The following GRIA2 variants were observed in gnomAD, a reference collection of about 807,000 sequenced individuals.
The protein encoded by GRIA2 is glutamate receptor 2.
In GRIA2, 14 loss-of-function variants were observed where a neutral mutation model predicts 97.3. The observed-to-expected ratio is 0.14, with a 90% confidence interval of 0.10 to 0.23. The LOEUF (loss-of-function observed/expected upper bound fraction) is 0.23, where lower values mean the gene tolerates loss of function less well. Ranked by LOEUF, GRIA2 falls within the 10% of genes least tolerant of loss-of-function variation. The pLI is 1.00. For synonymous variants in GRIA2, 412 were observed against 387.8 expected, an observed-to-expected ratio of 1.06 and a Z score of -0.73; for missense variants, 558 against 1,069.8, an observed-to-expected ratio of 0.52 and a Z score of 6.67.
chr4:157,312,994 C>G, intron 4 of GRIA2, 119 bp downstream of exon 4: 1 of 550,058 alleles, frequency 1.8e-6, no homozygotes, highest in African/African-American at 1.9e-5. Context: ...TGTTTTATGT[C>G]GGATGCAGCA....
intron 2 of GRIA2, 48 bp from the exon 3 acceptor site, chr4:157,303,504 T>C (rs1443533246): frequency 6.4e-7 from 1 of 1,560,608 alleles, no homozygotes; most frequent in Non-Finnish European, 8.8e-7. Flanking sequence ...CATATGATTG[T>C]GTGCCAATTT....
At chr4:157,309,349 G>A (rs1218500666) in intron 3 of GRIA2, among the ~76,000 whole-genome samples, 1 of 130,704 alleles carries the variant, frequency 7.7e-6, no homozygotes, top group South Asian at 2.4e-4. Context: ...AAATTTCTTG[G>A]TTTTTTTTTT....
intron 6 of GRIA2, among the ~76,000 whole-genome samples, chr4:157,323,660 G>A (rs1037497601): frequency 2.0e-5 from 3 of 152,248 alleles, no homozygotes; most frequent in Admixed American, 1.3e-4. Context: ...AAGCATGAAA[G>A]CAAAATGAAA....
chr4:157,296,743 A>G (rs1281579093), intron 2 of GRIA2, among the ~76,000 whole-genome samples: 6 of 152,108 alleles, frequency 3.9e-5, no homozygotes. Flanking sequence ...GGAGGATCAT[A>G]TTCAGTTGAT....
At chr4:157,295,165 G>A (rs1579339964) in intron 2 of GRIA2, among the ~76,000 whole-genome samples, 1 of 152,176 alleles carries the variant, frequency 6.6e-6, no homozygotes, top group East Asian at 1.9e-4. Flanking sequence ...ATGGGCAACA[G>A]CAATAAACTT....
Position 157,254,735 on chromosome 4 carries a change from C to T in GRIA2, c.229+32928C>T, listed in dbSNP as rs189794000. On this transcript the variant is annotated intron_variant, in intron 2 of 15. Coordinates refer to ENST00000264426, the MANE Select transcript of GRIA2 (RefSeq NM_001083619.3). Reference sequence around the variant, plus strand: ...ATCAAATGTGTGTATTTAACCTAGACGTTTTACTTCTACTAATTTGTTCTT... The same window carrying T: ...ATCAAATGTGTGTATTTAACCTAGATGTTTTACTTCTACTAATTTGTTCTT... 1.1e-4 allele frequency among the ~76,000 whole-genome samples: 17 copies of T among 152,088 alleles called. No individual in the cohort carries two copies. The East Asian group carries it at 3.3e-3, about 30-fold the overall frequency.
At chr4:157,341,610 C>T (rs895541897) in intron 12 of GRIA2, 148 bp downstream of exon 12, 2 of 600,212 alleles carry the variant, frequency 3.3e-6, no homozygotes, top group Non-Finnish European at 5.9e-6. Context: ...TGTTTCTGAC[C>T]CTTCCCTATC....
Position 157,363,637 on chromosome 4 carries a change from T to C in GRIA2, c.*206T>C. 1 of 1,160,918 alleles carries C rather than the reference T, an allele frequency of 8.6e-7. No individual in the cohort carries two copies. The highest frequency in any genetic ancestry group is 1.1e-6 in the Non-Finnish European group (1 of 921,328). 71.9% of individuals were successfully genotyped at this position (1,160,918 alleles called of 1,614,324 possible). A position where few individuals can be genotyped will look rare whatever the true frequency, so the allele number is the denominator to read the frequency against. On this transcript the variant is annotated 3_prime_UTR_variant, in exon 16 of 16. Transcript: ENST00000264426. ...TTTTGAGTGCCTTACACAATGGTTT[T>C]CTTGTGTGTTTATTGTCAAAGTGGT...
chr4:157,264,597 C>T (rs1257052592), intron 2 of GRIA2, among the ~76,000 whole-genome samples: 1 of 152,018 alleles, frequency 6.6e-6, no homozygotes, highest in African/African-American at 2.4e-5. Flanking sequence ...GACATATAAC[C>T]TAGCATATTC....
intron 2 of GRIA2, among the ~76,000 whole-genome samples, 181 bp downstream of exon 2, chr4:157,221,988 C>T (rs557556802): frequency 2.0e-5 from 3 of 150,028 alleles, no homozygotes; most frequent in East Asian, 2.0e-4. Context: ...ATCTCAGGGA[C>T]CCCCGCTGGC....
intron 2 of GRIA2, among the ~76,000 whole-genome samples, chr4:157,237,049 G>A (rs1730283329): frequency 6.6e-6 from 1 of 151,750 alleles, no homozygotes; most frequent in Non-Finnish European, 1.5e-5. Context: ...ATTTCCTCAG[G>A]AATTTTGTGC....
chr4:157,241,831 T>C (rs1195187739), intron 2 of GRIA2, among the ~76,000 whole-genome samples: 1 of 152,044 alleles, frequency 6.6e-6, no homozygotes, highest in Non-Finnish European at 1.5e-5. Flanking sequence ...AAAAGAAACA[T>C]GTTTCTAAGT....
intron 12 of GRIA2, among the ~76,000 whole-genome samples, chr4:157,359,353 A>G (rs1489709855): frequency 6.6e-6 from 1 of 152,182 alleles, no homozygotes; most frequent in African/African-American, 2.4e-5. Context: ...GCCAAAGAAT[A>G]TTCTTTTAAA....
intron 2 of GRIA2, among the ~76,000 whole-genome samples, chr4:157,239,497 A>G (rs1294640898): frequency 1.3e-5 from 2 of 151,962 alleles, no homozygotes; most frequent in African/African-American, 2.4e-5. Flanking sequence ...TATATTAATA[A>G]CATAATTCTG....
At chr4:157,248,975 C>T (rs1479803922) in intron 2 of GRIA2, among the ~76,000 whole-genome samples, 2 of 151,638 alleles carry the variant, frequency 1.3e-5, no homozygotes, top group Admixed American at 6.6e-5. Flanking sequence ...GTAGCTGGGC[C>T]TATAGGCGTG....
chr4:157,245,044 T>A (rs866289564), intron 2 of GRIA2, among the ~76,000 whole-genome samples: 5 of 152,096 alleles, frequency 3.3e-5, no homozygotes, highest in South Asian at 2.1e-4. Context: ...TTGTCATTTC[T>A]AAAAATTTAT....
At chr4:157,339,679 A>G (rs1194048807) in intron 11 of GRIA2, among the ~76,000 whole-genome samples, 1 of 151,864 alleles carries the variant, frequency 6.6e-6, no homozygotes, top group East Asian at 1.9e-4. Context: ...TTAATACGCA[A>G]TATGTAGAGT....
intron 2 of GRIA2, among the ~76,000 whole-genome samples, chr4:157,288,503 A>G (rs1732949238): frequency 6.6e-6 from 1 of 151,792 alleles, no homozygotes; most frequent in Non-Finnish European, 1.5e-5. Context: ...TAAGCTAATT[A>G]TCTAAGGCTA....
chr4:157,253,163 C>T (rs1731089312), intron 2 of GRIA2, among the ~76,000 whole-genome samples: 1 of 151,194 alleles, frequency 6.6e-6, no homozygotes, highest in Admixed American at 6.6e-5. Flanking sequence ...GTCGCCCAGG[C>T]TGAAGTGCAG....
Sources: allele counts gnomAD v4.1 joint callset (sites outside exome capture counted in the v4.1 genomes callset), GRCh38; gene constraint gnomAD v4.1.1; transcripts MANE v1.5; gene names NCBI Gene and HGNC (gene_info 2026-07-23, HGNC 2026-07-21).